Variants in MCUB observed in about 807,000 individuals in gnomAD.
The protein encoded by MCUB is calcium uniporter regulatory subunit MCUb, mitochondrial.
A neutral mutation model predicts 41.4 loss-of-function variants in MCUB; 46 were observed. That is an observed-to-expected ratio of 1.11 (90% CI 0.88 to 1.42). The LOEUF is 1.42. Among genes scored for constraint, MCUB ranks in the 40% most tolerant of loss-of-function variants. MCUB has a pLI of 0.00. For synonymous variants in MCUB, 148 were observed against 148.2 expected (o/e 1.00, Z 0.01); for missense variants, 403 against 404.9 (o/e 1.00, Z 0.04).
At chr4:109,601,222 TG>T (rs1441387413) in intron 1 of MCUB, among the ~76,000 whole-genome samples, 1 of 152,172 alleles carries the variant, frequency 6.6e-6, no homozygotes, top group African/African-American at 2.4e-5. Flanking sequence ...TCAGAGTAAA[TG>T]GGGTATCCAT....
At chr4:109,636,133 A>G (rs549402971) in intron 1 of MCUB, among the ~76,000 whole-genome samples, 18 of 152,162 alleles carry the variant, frequency 1.2e-4, no homozygotes, top group Non-Finnish European at 2.4e-4. Context: ...GTATCTGGTC[A>G]ATTACAATGA....
chr4:109,666,694 C>T (rs902264019), intron 4 of MCUB, among the ~76,000 whole-genome samples: 5 of 152,092 alleles, frequency 3.3e-5, no homozygotes, highest in African/African-American at 9.7e-5. Flanking sequence ...GTATCAGATA[C>T]GTCTTTTGCA....
intron 1 of MCUB, among the ~76,000 whole-genome samples, chr4:109,586,342 G>A (rs13328072): frequency 0.018 from 2,751 of 152,126 alleles, 60 homozygotes; most frequent in South Asian, 0.072. Context: ...TATTCTAGTT[G>A]GCCATTTGTC....
chr4:109,578,611 T>G (rs1422455092), intron 1 of MCUB, among the ~76,000 whole-genome samples: 1 of 152,152 alleles, frequency 6.6e-6, no homozygotes, highest in Non-Finnish European at 1.5e-5. Context: ...GCAGTCCTTC[T>G]GCCTCAGTCT....
At chr4:109,615,271 A>T (rs1561228422) in intron 1 of MCUB, among the ~76,000 whole-genome samples, 2 of 152,134 alleles carry the variant, frequency 1.3e-5, no homozygotes, top group Non-Finnish European at 1.5e-5. Flanking sequence ...CATATTGCAG[A>T]TGTCAGCCCC....
At chr4:109,617,556 A>G (rs568492572) in intron 1 of MCUB, among the ~76,000 whole-genome samples, 1 of 152,336 alleles carries the variant, frequency 6.6e-6, no homozygotes, top group Admixed American at 6.5e-5. Flanking sequence ...CACAATTGCA[A>G]TAACATTATG....
chr4:109,561,731 T>C (rs1427686435), intron 1 of MCUB, among the ~76,000 whole-genome samples: 1 of 152,202 alleles, frequency 6.6e-6, no homozygotes, highest in African/African-American at 2.4e-5. Flanking sequence ...ACATGCCATT[T>C]TAAACACAGA....
Position 109,560,450 on chromosome 4 carries a change from C to T in MCUB, c.99+14C>T, listed in dbSNP as rs1440351144. ...CCTCCGCCCCAGGTAAGAGCGGGTG[C>T]CGGGCTGTGGGGGTTCGGGGTAGGC... On this transcript the variant is annotated intron_variant, in intron 1 of 7. Transcript: ENST00000394650. The T allele has an allele frequency of 4.1e-6, 5 of 1,228,908 alleles. No homozygotes were observed. Among genetic ancestry groups the T allele is most frequent in the Admixed American group, 8.4e-5 (2 of 23,860 alleles). The allele number at this position is 1,228,908 out of a possible 1,614,324, so 76.1% of individuals were successfully genotyped here.
intron 1 of MCUB, among the ~76,000 whole-genome samples, chr4:109,623,470 C>T (rs545890977): frequency 6.6e-5 from 10 of 152,222 alleles, no homozygotes; most frequent in South Asian, 2.1e-4. Flanking sequence ...AGTCAGCAAG[C>T]GCTGATATTG....
chr4:109,584,014 A>C (rs1425717510), intron 1 of MCUB, among the ~76,000 whole-genome samples: 1 of 152,170 alleles, frequency 6.6e-6, no homozygotes, highest in Admixed American at 6.5e-5. Flanking sequence ...TAATAGTTTC[A>C]GAAGGAATGG....
intron 1 of MCUB, among the ~76,000 whole-genome samples, chr4:109,595,831 G>A (rs1322906476): frequency 1.3e-5 from 2 of 152,344 alleles, no homozygotes; most frequent in African/African-American, 2.4e-5. Context: ...TGAGATAAGA[G>A]TAGGGGTGGG....
intron 1 of MCUB, among the ~76,000 whole-genome samples, chr4:109,618,952 T>TTCTCTCTCTCTCTCTCTCTCTC (rs10557098): frequency 3.1e-5 from 4 of 127,736 alleles, no homozygotes; most frequent in East Asian, 2.4e-4. Flanking sequence ...AACATTAAAC[T>TTCTCTCTCTCTCTCTCTCTCTC]TCTCTCTCTC....
chr4:109,584,683 T>C (rs889188434), intron 1 of MCUB, among the ~76,000 whole-genome samples: 2 of 152,244 alleles, frequency 1.3e-5, no homozygotes, highest in Non-Finnish European at 2.9e-5. Flanking sequence ...AAAGAACATC[T>C]TTATTTCTGC....
chr4:109,686,399 A>T (rs546126186), intron 7 of MCUB, among the ~76,000 whole-genome samples: 1 of 152,308 alleles, frequency 6.6e-6, no homozygotes, highest in East Asian at 1.9e-4. Context: ...TTGGCCTCCC[A>T]AAGTGTTAGG....
chr4:109,583,892 C>T (rs1404390082), intron 1 of MCUB, among the ~76,000 whole-genome samples: 1 of 152,174 alleles, frequency 6.6e-6, no homozygotes, highest in Non-Finnish European at 1.5e-5. Flanking sequence ...TTGAACCAGC[C>T]TTGCATCCCA....
intron 1 of MCUB, among the ~76,000 whole-genome samples, chr4:109,624,703 A>G (rs562742022): frequency 9.2e-5 from 14 of 152,298 alleles, no homozygotes; most frequent in African/African-American, 3.1e-4. Flanking sequence ...AGAAACTGGC[A>G]GAGATATTTG....
intron 4 of MCUB, among the ~76,000 whole-genome samples, chr4:109,682,166 G>A (rs1056981400): frequency 2.0e-5 from 3 of 152,214 alleles, no homozygotes; most frequent in African/African-American, 7.2e-5. Flanking sequence ...AGTTGGCCTA[G>A]GAAATCCAGC....
At chr4:109,648,654 G>A (rs1237816583) in intron 1 of MCUB, 2 of 434,026 alleles carry the variant, frequency 4.6e-6, no homozygotes, top group East Asian at 7.3e-5. Context: ...CTAGAGGCAA[G>A]TAAGAGTTCA....
At chr4:109,589,700 T>C (rs1445143753) in intron 1 of MCUB, among the ~76,000 whole-genome samples, 1 of 152,170 alleles carries the variant, frequency 6.6e-6, no homozygotes, top group Non-Finnish European at 1.5e-5. Flanking sequence ...TTTCTCTCTC[T>C]CTCCTTCCTT....
Sources: allele counts gnomAD v4.1 joint callset (sites outside exome capture counted in the v4.1 genomes callset), GRCh38; gene constraint gnomAD v4.1.1; transcripts MANE v1.5; gene names NCBI Gene and HGNC (gene_info 2026-07-23, HGNC 2026-07-21).